DOK6: variants seen among roughly 807,000 people sequenced by gnomAD.
DOK6 encodes the protein downstream of tyrosine kinase 6.
In DOK6, 22 loss-of-function variants were observed where a neutral mutation model predicts 44.0. The observed-to-expected ratio is 0.50, with a 90% CI of 0.36 to 0.71. The LOEUF (loss-of-function observed/expected upper bound fraction) is 0.71. Ranked by LOEUF, DOK6 falls within the 30% of genes least tolerant of loss-of-function variation. The pLI is 0.00. For synonymous variants in DOK6, 166 were observed against 145.5 expected (o/e 1.14, Z -1.01); for missense variants, 340 against 416.4 (o/e 0.82, Z 1.60).
intron 7 of DOK6, among the ~76,000 whole-genome samples, chr18:69,813,731 C>G (rs1395590836): frequency 1.3e-5 from 2 of 151,984 alleles, no homozygotes; most frequent in Admixed American, 1.3e-4. Context: ...CAGAGGACAT[C>G]TAGAGCATGG....
At chr18:69,516,219 T>G (rs914004825) in intron 1 of DOK6, among the ~76,000 whole-genome samples, 3 of 148,736 alleles carry the variant, frequency 2.0e-5, no homozygotes, top group Non-Finnish European at 4.4e-5. Context: ...GGTATTGTAC[T>G]ATATTCTGGG....
intron 2 of DOK6, among the ~76,000 whole-genome samples, chr18:69,597,803 C>A (rs2144621152): frequency 6.6e-6 from 1 of 152,280 alleles, no homozygotes; most frequent in East Asian, 1.9e-4. Flanking sequence ...AAGTTTTCAC[C>A]CCTCTGCACA....
intron 5 of DOK6, among the ~76,000 whole-genome samples, chr18:69,737,129 T>C (rs1323873481): frequency 4.6e-5 from 7 of 152,206 alleles, no homozygotes; most frequent in African/African-American, 1.4e-4. Flanking sequence ...GAACACATTT[T>C]AAATAATAAG....
At chr18:69,537,141 A>G (rs893371417) in intron 1 of DOK6, among the ~76,000 whole-genome samples, 2 of 152,098 alleles carry the variant, frequency 1.3e-5, no homozygotes, top group South Asian at 2.1e-4. Flanking sequence ...CGGCCAATAC[A>G]GAAGTTTTAA....
chr18:69,521,634 A>G (rs1344812012), intron 1 of DOK6, among the ~76,000 whole-genome samples: 1 of 151,962 alleles, frequency 6.6e-6, no homozygotes, highest in African/African-American at 2.4e-5. Flanking sequence ...TAATTCTTCT[A>G]GTAGAAAACA....
rs1555670145 is a variant in DOK6 at position 69,774,133 on chromosome 18, G to GATAGATATATATATATAT, written c.856+16263_856+16264insGATATATATATATATATA. On this transcript the variant is annotated intron_variant, in intron 7 of 7. Transcript: ENST00000382713. ...TAGATTTATATAGATATATATATGA[G>GATAGATATATATATATAT]ATATATATATATATATATATATAAT... Among the ~76,000 whole-genome samples the GATAGATATATATATATAT allele has an allele frequency of 1.3e-4, 9 of 66,866 alleles. 1 individual carries two copies. The highest frequency in any genetic ancestry group is 2.9e-4 in the Non-Finnish European group (9 of 30,718). The allele number at this position is 66,866 out of a possible 152,430, so 43.9% of individuals were successfully genotyped here. A position where few individuals can be genotyped will look rare whatever the true frequency, so the allele number is the denominator to read the frequency against.
chr18:69,526,779 T>C (rs753355669), intron 1 of DOK6, among the ~76,000 whole-genome samples: 9 of 152,198 alleles, frequency 5.9e-5, no homozygotes, highest in African/African-American at 9.6e-5. Context: ...GAATGTTCCA[T>C]GTGAACTTGA....
At chr18:69,501,072 A>G (rs1017118712) in intron 1 of DOK6, among the ~76,000 whole-genome samples, 10 of 152,198 alleles carry the variant, frequency 6.6e-5, no homozygotes, top group African/African-American at 2.2e-4. Flanking sequence ...CAAACACAAA[A>G]GATGGAAAAA....
At chr18:69,772,812 C>T (rs1188697884) in intron 7 of DOK6, among the ~76,000 whole-genome samples, 1 of 151,924 alleles carries the variant, frequency 6.6e-6, no homozygotes, top group Non-Finnish European at 1.5e-5. Context: ...ACCAAAAGCA[C>T]AGGTAACAAA....
chr18:69,643,335 C>T (rs184122123), intron 3 of DOK6, among the ~76,000 whole-genome samples: 12 of 152,208 alleles, frequency 7.9e-5, no homozygotes, highest in East Asian at 1.9e-4. Flanking sequence ...TCACCTGGTC[C>T]GTTTGTGTAT....
At chr18:69,548,822 G>A (rs1003404034) in intron 1 of DOK6, among the ~76,000 whole-genome samples, 1 of 151,406 alleles carries the variant, frequency 6.6e-6, no homozygotes, top group Non-Finnish European at 1.5e-5. Context: ...GGCCGGGCGC[G>A]GTGGCTCACG....
chr18:69,816,666 G>C (rs1354162540), intron 7 of DOK6, among the ~76,000 whole-genome samples: 2 of 152,162 alleles, frequency 1.3e-5, no homozygotes, highest in Non-Finnish European at 2.9e-5. Context: ...AAAACCTGGA[G>C]CCTTTCAGTG....
rs1568311139 is a variant in DOK6, at chr18:69,612,219, A to AAAAT, written c.289+12724_289+12725insTAAA. On this transcript the variant is annotated intron_variant, in intron 3 of 7. Coordinates refer to ENST00000382713, the MANE Select transcript of DOK6 (RefSeq NM_152721.6). ...TTGTCTATAGTGTATATTTAAGTTAAAAAAAACCAGGGTGGGAAGACAGTT... is the reference window on the plus strand; with the variant it reads ...TTGTCTATAGTGTATATTTAAGTTAAAAATAAAAAACCAGGGTGGGAAGACAGTT... Among the ~76,000 whole-genome samples the AAAAT allele has an allele frequency of 3.3e-5, 5 of 151,960 alleles. No individual in the cohort carries two copies. In the South Asian group the frequency reaches 1.0e-3, roughly 32 times the overall value.
intron 1 of DOK6, among the ~76,000 whole-genome samples, chr18:69,478,036 A>C (rs1223975432): frequency 6.6e-6 from 1 of 152,194 alleles, no homozygotes; most frequent in East Asian, 1.9e-4. Flanking sequence ...AAGATACAGA[A>C]AATTACACTA....
chr18:69,824,221 GT>G (rs1415708897), intron 7 of DOK6, among the ~76,000 whole-genome samples: 1 of 90,998 alleles, frequency 1.1e-5, no homozygotes, highest in Non-Finnish European at 2.1e-5. Context: ...ACAGGCCCCG[GT>G]GTGTGATGTT....
intron 3 of DOK6, among the ~76,000 whole-genome samples, chr18:69,652,579 C>T (rs777422579): frequency 1.3e-5 from 2 of 152,168 alleles, no homozygotes; most frequent in Non-Finnish European, 2.9e-5. Context: ...ATCCACCCAC[C>T]ACACGCCTCT....
chr18:69,589,218 A>G (rs1288099207), intron 2 of DOK6, among the ~76,000 whole-genome samples: 1 of 152,174 alleles, frequency 6.6e-6, no homozygotes, highest in African/African-American at 2.4e-5. Context: ...ATTAACCTAT[A>G]TTTATTGTAA....
chr18:69,521,850 T>C (rs1981695729), intron 1 of DOK6, among the ~76,000 whole-genome samples: 1 of 152,006 alleles, frequency 6.6e-6, no homozygotes, highest in African/African-American at 2.4e-5. Flanking sequence ...TATCTTGATT[T>C]GATCATTATA....
At chr18:69,512,323 TTTC>T (rs1199481998) in intron 1 of DOK6, among the ~76,000 whole-genome samples, 3 of 128,834 alleles carry the variant, frequency 2.3e-5, no homozygotes, top group Admixed American at 7.8e-5. Context: ...TCGTCTTTGC[TTTC>T]TTCTTCTTTT....
Sources: allele counts gnomAD v4.1 joint callset (sites outside exome capture counted in the v4.1 genomes callset), GRCh38; gene constraint gnomAD v4.1.1; transcripts MANE v1.5; gene names NCBI Gene and HGNC (gene_info 2026-07-23, HGNC 2026-07-21).